The following MPPED2 variants were observed in gnomAD, a reference collection of about 807,000 sequenced individuals.
The protein encoded by MPPED2 is metallophosphoesterase domain containing 2.
MPPED2 carries 5 observed loss-of-function variants against 33.0 expected under a neutral mutation model. The ratio of observed to expected loss-of-function variants is 0.15; its 90% CI spans 0.08 to 0.32. The LOEUF is 0.32. MPPED2 is among the 10% of genes least tolerant of loss of function. The pLI is 1.00. For synonymous variants in MPPED2, 136 were observed against 141.9 expected, an observed-to-expected ratio of 0.96 and a Z score of 0.29; for missense variants, 275 against 372.1, an observed-to-expected ratio of 0.74 and a Z score of 2.15.
chr11:30,535,346 A>G (rs1186705201), intron 3 of MPPED2, among the ~76,000 whole-genome samples: 1 of 152,184 alleles, frequency 6.6e-6, no homozygotes, highest in Non-Finnish European at 1.5e-5. Context: ...GCTAAGAGGA[A>G]CCAGGATCCA....
intron 3 of MPPED2, among the ~76,000 whole-genome samples, chr11:30,510,175 G>C (rs979498553): frequency 6.6e-6 from 1 of 151,946 alleles, no homozygotes; most frequent in Non-Finnish European, 1.5e-5. Context: ...TTTTTAACCT[G>C]TACTATCACG....
intron 4 of MPPED2, chr11:30,451,837 G>GGGAAGTCAGCTGGAGATC (rs1218900806): frequency 2.0e-6 from 2 of 985,172 alleles, no homozygotes; most frequent in African/African-American, 3.5e-5. Flanking sequence ...AGGCTGCGGT[G>GGGAAGTCAGCTGGAGATC]GGAAGTCAGC....
intron 4 of MPPED2, chr11:30,451,903 GC>G (rs1302524479): frequency 2.0e-6 from 2 of 985,270 alleles, no homozygotes; most frequent in Non-Finnish European, 1.2e-6. Flanking sequence ...GCAATTGTGG[GC>G]AAGTCATTTA....
chr11:30,409,471 A>T (rs1236485582), downstream of MPPED2, among the ~76,000 whole-genome samples: 1 of 152,214 alleles, frequency 6.6e-6, no homozygotes, highest in East Asian at 1.9e-4. Context: ...CATCCAAGAT[A>T]CTTAATAACT....
In MPPED2 at chr11:30,535,985, A is replaced by T; in HGVS notation, c.310+9T>A. ...TAATTGGGGCCGCCAGAACGCAATCATTCCTTACCTAACCAGTCATTAAAC... is the reference window on the plus strand; with the variant it reads ...TAATTGGGGCCGCCAGAACGCAATCTTTCCTTACCTAACCAGTCATTAAAC... On this transcript the variant is annotated intron_variant, in intron 3 of 6. Transcript: ENST00000358117. 1 of 1,585,132 alleles carries T rather than the reference A, an allele frequency of 6.3e-7. No homozygotes were observed. The highest frequency in any genetic ancestry group is 8.6e-7 in the Non-Finnish European group (1 of 1,167,412).
chr11:30,437,934 T>C (rs769685908), intron 4 of MPPED2, among the ~76,000 whole-genome samples: 1 of 152,058 alleles, frequency 6.6e-6, no homozygotes, highest in Non-Finnish European at 1.5e-5. Flanking sequence ...GCCAGACAAT[T>C]GGGTTTGAGT....
At chr11:30,470,604 A>G (rs995896292) in intron 4 of MPPED2, among the ~76,000 whole-genome samples, 1 of 152,146 alleles carries the variant, frequency 6.6e-6, no homozygotes, top group Non-Finnish European at 1.5e-5. Context: ...ACGATACATG[A>G]ATTATATCTC....
chr11:30,396,353 T>G (rs547667255), intron 6 of MPPED2, among the ~76,000 whole-genome samples: 1 of 152,300 alleles, frequency 6.6e-6, no homozygotes, highest in African/African-American at 2.4e-5. Flanking sequence ...AGCAGCTGCC[T>G]GTATATACCT....
chr11:30,559,636 T>G (rs555944110), intron 2 of MPPED2, among the ~76,000 whole-genome samples: 1 of 152,304 alleles, frequency 6.6e-6, no homozygotes, highest in South Asian at 2.1e-4. Flanking sequence ...CTTCAAAGTC[T>G]TATAGAAAAA....
At chr11:30,577,170 A>G (rs1241639232) in intron 2 of MPPED2, among the ~76,000 whole-genome samples, 1 of 152,214 alleles carries the variant, frequency 6.6e-6, no homozygotes, top group Non-Finnish European at 1.5e-5. Context: ...TTTGGTGCAA[A>G]TATTTACAGA....
At chr11:30,460,952 A>G (rs1950493497) in intron 4 of MPPED2, among the ~76,000 whole-genome samples, 1 of 152,228 alleles carries the variant, frequency 6.6e-6, no homozygotes, top group Non-Finnish European at 1.5e-5. Context: ...ATTATTCACA[A>G]TAGTCAATAG....
chr11:30,395,542 A>G (rs2133700778), intron 6 of MPPED2, among the ~76,000 whole-genome samples: 1 of 152,232 alleles, frequency 6.6e-6, no homozygotes, highest in South Asian at 2.1e-4. Flanking sequence ...ATTTTTCAAA[A>G]ATCATTTATA....
chr11:30,523,774 T>G (rs1261663606), intron 3 of MPPED2, among the ~76,000 whole-genome samples: 1 of 151,752 alleles, frequency 6.6e-6, no homozygotes, highest in Non-Finnish European at 1.5e-5. Context: ...ATTACAGGCA[T>G]GCAGAGCTAG....
Position 30,410,745 on chromosome 11 carries a change from A to G in MPPED2, c.*723T>C, listed in dbSNP as rs902674844. The G allele has an allele frequency of 1.4e-5, 14 of 984,374 alleles. No individual in the cohort carries two copies. The African/African-American group carries it at 2.3e-4, about 16-fold the overall frequency. The allele number at this position is 984,374 out of a possible 1,614,324, so 61.0% of individuals were successfully genotyped here. A position where few individuals can be genotyped will look rare whatever the true frequency, so the allele number is the denominator to read the frequency against. On this transcript the variant is annotated 3_prime_UTR_variant, in exon 7 of 7. Coordinates refer to ENST00000358117, the MANE Select transcript of MPPED2 (RefSeq NM_001584.3). ...AAACCCATATTGAAAAGGAGTCTGC[A>G]TGTTCATTTTTTTAACCGTATGAAA...
intron 2 of MPPED2, among the ~76,000 whole-genome samples, chr11:30,577,274 A>T (rs1956971968): frequency 6.6e-6 from 1 of 152,224 alleles, no homozygotes; most frequent in African/African-American, 2.4e-5. Context: ...TTCCTAATTA[A>T]GGTGAAAAAC....
At chr11:30,478,444 A>T (rs368127734) in intron 4 of MPPED2, among the ~76,000 whole-genome samples, 4 of 152,262 alleles carry the variant, frequency 2.6e-5, no homozygotes, top group East Asian at 3.9e-4. Flanking sequence ...GCACATAGAT[A>T]AACACAAATT....
chr11:30,447,945 T>A (rs1338076248), intron 4 of MPPED2, among the ~76,000 whole-genome samples: 1 of 152,126 alleles, frequency 6.6e-6, no homozygotes, highest in South Asian at 2.1e-4. Context: ...CCTCGAAAGA[T>A]AAAATTCATA....
At chr11:30,400,210 T>A (rs1947891117) in intron 6 of MPPED2, among the ~76,000 whole-genome samples, 1 of 152,182 alleles carries the variant, frequency 6.6e-6, no homozygotes, top group Admixed American at 6.5e-5. Flanking sequence ...TAGCTAGGAC[T>A]ACAGGTTCCT....
At chr11:30,563,649 G>A (rs1190288889) in intron 2 of MPPED2, among the ~76,000 whole-genome samples, 1 of 152,180 alleles carries the variant, frequency 6.6e-6, no homozygotes, top group African/African-American at 2.4e-5. Flanking sequence ...AGTAGCAGAG[G>A]CAACTCTAAA....
Sources: gnomAD v4.1 joint callset for allele counts (sites outside exome capture counted in the v4.1 genomes callset) on GRCh38, gnomAD v4.1.1 for gene constraint, MANE v1.5 for transcripts, NCBI Gene and HGNC (gene_info 2026-07-23, HGNC 2026-07-21) for gene names.